Variants in F13B observed in about 807,000 individuals in gnomAD.
The protein encoded by F13B is coagulation factor XIII B chain, also known as TGase.
In F13B, 58 loss-of-function variants were observed where a neutral mutation model predicts 79.8. The ratio of observed to expected loss-of-function variants is 0.73; its 90% CI spans 0.59 to 0.90. The LOEUF (loss-of-function observed/expected upper bound fraction) is 0.90, where lower values mean the gene tolerates loss of function less well. Among genes scored for constraint, F13B ranks in the 40% least tolerant of loss-of-function variants. The pLI is 0.00. For synonymous variants in F13B, 283 were observed against 260.3 expected, an observed-to-expected ratio of 1.09 and a Z score of -0.84; for missense variants, 773 against 777.0, an observed-to-expected ratio of 0.99 and a Z score of 0.06.
chr1:197,048,535 G>C (rs972140311), intron 10 of F13B, among the ~76,000 whole-genome samples: 1 of 151,612 alleles, frequency 6.6e-6, no homozygotes, highest in Non-Finnish European at 1.5e-5. Flanking sequence ...ATATGAAGGA[G>C]GTCTTTTAAA....
Position 197,057,376 on chromosome 1 carries a change from G to T in F13B, c.895C>A (p.His299Asn). 6.2e-7 allele frequency: 1 copy of T among 1,613,876 alleles called. No homozygotes were observed. Among genetic ancestry groups the T allele is most frequent in the South Asian group, 1.1e-5 (1 of 91,058 alleles). Residue 299 changes from histidine to asparagine, a missense_variant, in exon 6 of 12, where the codon CAT becomes AAT. By Grantham distance (68) the His-to-Asn change is moderately conservative. Transcript: ENST00000367412. Reference sequence around the variant, plus strand: ...TCAAAATTAAGTTCACATTCTATATGAACTATTTCTCCATGACGATAAGTT... The same window carrying T: ...TCAAAATTAAGTTCACATTCTATATTAACTATTTCTCCATGACGATAAGTT... ...STTYRHGEIV[H>N]IECELNFEIH...
rs1655806978 is a variant in F13B at position 197,060,397 on chromosome 1, A to G, written c.774T>C (p.Phe258=). 1 of 1,612,698 alleles carries G rather than the reference A, an allele frequency of 6.2e-7. No homozygotes were observed. Among genetic ancestry groups the G allele is most frequent in the Non-Finnish European group, 8.5e-7 (1 of 1,179,074 alleles). ...SGSDLIQCYN[F]GWYPESPVCE... is the part of the protein sequence containing the mutation. Reference sequence around the variant, plus strand: ...ATACAGGAGATTCTGGGTACCAACCAAAGTTATAGCATTGAATTAAATCAG... The same window carrying G: ...ATACAGGAGATTCTGGGTACCAACCGAAGTTATAGCATTGAATTAAATCAG... The change falls in exon 5 of 12, where the codon TTT becomes TTC. Residue 258 remains phenylalanine (F), a synonymous_variant. Transcript: ENST00000367412.
chr1:197,045,220 A>G (rs1461626317), intron 10 of F13B, among the ~76,000 whole-genome samples: 1 of 152,198 alleles, frequency 6.6e-6, no homozygotes, highest in Non-Finnish European at 1.5e-5. Context: ...TGAATCCAGG[A>G]ACTGTTTTTT....
chr1:197,052,832 G>T lies in F13B; in HGVS notation c.1357C>A (p.Pro453Thr), dbSNP rs750874616. Residue 453 changes from proline to threonine, a missense_variant and splice_region_variant, in exon 9 of 12, where the codon CCA becomes ACA. Physicochemically the swap from Pro to Thr is conservative, Grantham distance 38 (BLOSUM62 -1). Transcript: ENST00000367412. ...ATGTAATCCACATTAACAGTACATG[G>T]TTCTGTAAAACAAAATGCTCTTTTA... ...KWSSPPVCLE[P>T]CTVNVDYMNR... 2 of 1,606,290 alleles carry T rather than the reference G, an allele frequency of 1.2e-6. No homozygotes were observed. The highest frequency in any genetic ancestry group is 2.2e-5 in the South Asian group (2 of 90,538).
chr1:197,055,892 T>G lies in F13B; in HGVS notation c.1177A>C (p.Asn393His). ...ACAGGAGGATGCTTACAATTCTCAT[T>G]ATTTTCTAAGAAAAGAGGTTGTTTT... Reference protein sequence around the residue: ...WTLPPECVENNENCKHPPVVM... With the variant: ...WTLPPECVENHENCKHPPVVM... The change falls in exon 8 of 12, where the codon AAT becomes CAT. Residue 393 changes from asparagine to histidine, a missense_variant. Transcript: ENST00000367412. 1 of 1,613,218 alleles carries G rather than the reference T, an allele frequency of 6.2e-7. No individual in the cohort carries two copies. The highest frequency in any genetic ancestry group is 2.2e-5 in the East Asian group (1 of 44,838).
Position 197,038,832 on chromosome 1 carries a change from G to A in F13B, c.*546C>T, listed in dbSNP as rs1654935870. On this transcript the variant is annotated 3_prime_UTR_variant, in exon 12 of 12. Transcript: ENST00000367412. ...TAGTACACCACCTCATAAACAATTTGGTTATTAACGTTGTAGCAAATATTA... is the reference window on the plus strand; with the variant it reads ...TAGTACACCACCTCATAAACAATTTAGTTATTAACGTTGTAGCAAATATTA... 6.6e-6 allele frequency among the ~76,000 whole-genome samples: 1 copy of A among 152,006 alleles called. No individual in the cohort carries two copies. Among genetic ancestry groups the A allele is most frequent in the African/African-American group, 2.4e-5 (1 of 41,486 alleles).
intron 5 of F13B, among the ~76,000 whole-genome samples, chr1:197,059,035 A>C (rs17514570): frequency 0.019 from 2,814 of 151,932 alleles, 87 homozygotes; most frequent in African/African-American, 0.064. Flanking sequence ...CCAACGTGGC[A>C]AAACCCTGTC....
Position 197,055,856 on chromosome 1 carries a change from C to T in F13B, c.1213G>A (p.Gly405Arg), listed in dbSNP as rs753020189. Residue 405 changes from glycine to arginine, a missense_variant, in exon 8 of 12, where the codon GGG (glycine) becomes AGG (arginine). Physicochemically the swap from Gly to Arg is moderately radical, Grantham distance 125 (BLOSUM62 -2). Coordinates refer to ENST00000367412, the MANE Select transcript of F13B (RefSeq NM_001994.3). ...GCCAATATCCCGTCTGCAACAGCCC[C>T]ATTCATTACAACAGGAGGATGCTTA... ...NCKHPPVVMN[G>R]AVADGILASY... 7 of 1,613,472 alleles carry T rather than the reference C, an allele frequency of 4.3e-6. No homozygotes were observed. In the East Asian group the frequency reaches 1.3e-4, roughly 31 times the overall value.
chr1:197,063,255 A>T (rs17549582), intron 1 of F13B, among the ~76,000 whole-genome samples, 198 bp from the exon 2 acceptor site: 2,291 of 152,292 alleles, frequency 0.015, 52 homozygotes, highest in African/African-American at 0.049. Flanking sequence ...GACTTTAAAC[A>T]TCCAACAGTC....
chr1:197,047,809 C>G (rs897385898), intron 10 of F13B, among the ~76,000 whole-genome samples: 2 of 152,072 alleles, frequency 1.3e-5, no homozygotes, highest in African/African-American at 4.8e-5. Context: ...ACTATGCAGC[C>G]ATTAAAAAGG....
chr1:197,041,555 AT>A (rs1655037838), intron 10 of F13B, among the ~76,000 whole-genome samples: 1 of 152,166 alleles, frequency 6.6e-6, no homozygotes, highest in Non-Finnish European at 1.5e-5. Flanking sequence ...AGTTGCTAAT[AT>A]GGCATATCAA....
chr1:197,054,999 G>A (rs537493802), intron 8 of F13B, among the ~76,000 whole-genome samples: 1 of 152,000 alleles, frequency 6.6e-6, no homozygotes, highest in African/African-American at 2.4e-5. Flanking sequence ...CAATAAACTG[G>A]TTAAATTACA....
At chr1:197,041,467 G>A (rs76638816) in intron 10 of F13B, among the ~76,000 whole-genome samples, 1,652 of 151,888 alleles carry the variant, frequency 0.011, 14 homozygotes, top group Middle Eastern at 0.034. Context: ...TCAGAAAATG[G>A]GATTTCTTAT....
At chr1:197,046,838 A>C (rs1655252365) in intron 10 of F13B, among the ~76,000 whole-genome samples, 2 of 152,202 alleles carry the variant, frequency 1.3e-5, no homozygotes, top group African/African-American at 4.8e-5. Flanking sequence ...AACAGAACAG[A>C]GGCCTCAGAA....
In F13B at chr1:197,039,236, G is replaced by A. The variant is rs1446730687; in HGVS notation, c.*142C>T. On this transcript the variant is annotated 3_prime_UTR_variant, in exon 12 of 12. Transcript: ENST00000367412. ...TTATTGGTTTTCATTTATAAATAACGAAATGTTCAGCACAAATAATTTAGA... is the reference window on the plus strand; with the variant it reads ...TTATTGGTTTTCATTTATAAATAACAAAATGTTCAGCACAAATAATTTAGA... 4.4e-6 allele frequency: 3 copies of A among 678,790 alleles called. No homozygotes were observed. The highest frequency in any genetic ancestry group is 2.5e-5 in the Admixed American group (1 of 40,742). The allele number at this position is 678,790 out of a possible 1,614,324, so 42.0% of individuals were successfully genotyped here.
chr1:197,055,839 C>T lies in F13B; in HGVS notation c.1230G>A (p.Gly410=). 2 of 1,613,518 alleles carry T rather than the reference C, an allele frequency of 1.2e-6. No individual in the cohort carries two copies. Among genetic ancestry groups the T allele is most frequent in the South Asian group, 1.1e-5 (1 of 91,064 alleles). ...PVVMNGAVAD[G]ILASYATGSS... ...ATCCTGTTGCATAGCTTGCCAATATCCCGTCTGCAACAGCCCCATTCATTA... is the reference window on the plus strand; with the variant it reads ...ATCCTGTTGCATAGCTTGCCAATATTCCGTCTGCAACAGCCCCATTCATTA... The change falls in exon 8 of 12, where the codon GGG becomes GGA. Residue 410 remains glycine, a synonymous_variant. Coordinates refer to ENST00000367412, the MANE Select transcript of F13B (RefSeq NM_001994.3).
At chr1:197,059,807 G>T (rs1055873498) in intron 5 of F13B, among the ~76,000 whole-genome samples, 3 of 152,104 alleles carry the variant, frequency 2.0e-5, no homozygotes, top group Admixed American at 1.3e-4. Flanking sequence ...AATAACTATG[G>T]ATGTCTTCTG....
At chr1:197,055,987 A>T (rs1180752222) in intron 7 of F13B, 90 bp from the exon 8 acceptor site, 22 of 1,128,552 alleles carry the variant, frequency 1.9e-5, no homozygotes, top group Middle Eastern at 2.5e-4. Context: ...TTTGTATTAT[A>T]TAATTTAGGA....
At chr1:197,064,063 G>T (rs950919836) in intron 1 of F13B, among the ~76,000 whole-genome samples, 1 of 152,206 alleles carries the variant, frequency 6.6e-6, no homozygotes, top group Admixed American at 6.6e-5. Context: ...CTGGTACTTA[G>T]CATTACTAGT....
Sources: gnomAD v4.1 joint callset for allele counts (sites outside exome capture counted in the v4.1 genomes callset) on GRCh38, gnomAD v4.1.1 for gene constraint, MANE v1.5 for transcripts, NCBI Gene and HGNC (gene_info 2026-07-23, HGNC 2026-07-21) for gene names.